CD74: variants seen among roughly 807,000 people sequenced by gnomAD.
CD74 encodes HLA class II histocompatibility antigen gamma chain.
Under a neutral mutation model 37.1 loss-of-function variants are expected in CD74, and 20 were observed. The ratio of observed to expected loss-of-function variants is 0.54; its 90% CI spans 0.38 to 0.78. The LOEUF (loss-of-function observed/expected upper bound fraction) is 0.78. Among genes scored for constraint, CD74 ranks in the 30% least tolerant of loss-of-function variants. The pLI, the probability that CD74 is intolerant of heterozygous loss-of-function variation, is 0.00. For missense variants in CD74, 338 were observed against 389.5 expected (o/e 0.87, Z 1.11); for synonymous variants, 150 against 152.0 (o/e 0.99, Z 0.10).
At chr5:150,412,311 A>G (rs1442079933) in intron 1 of CD74, among the ~76,000 whole-genome samples, 1 of 152,216 alleles carries the variant, frequency 6.6e-6, no homozygotes, top group Admixed American at 6.5e-5. Context: ...CTTTAGTGGG[A>G]TCTCAAAGCC....
chr5:150,412,102 T>A (rs2151186721), intron 1 of CD74, among the ~76,000 whole-genome samples: 1 of 152,296 alleles, frequency 6.6e-6, no homozygotes, highest in Admixed American at 6.5e-5. Context: ...GTAGGTGGGA[T>A]TACAGGTGTA....
intron 1 of CD74, among the ~76,000 whole-genome samples, chr5:150,411,977 T>TA (rs1770366581): frequency 3.9e-5 from 6 of 152,254 alleles, no homozygotes; most frequent in African/African-American, 1.2e-4. Context: ...TTTATTTATT[T>TA]TTTTTGAGAC....
At chr5:150,409,685 T>A (rs1258811087) in intron 1 of CD74, among the ~76,000 whole-genome samples, 5 of 134,894 alleles carry the variant, frequency 3.7e-5, no homozygotes, top group Non-Finnish European at 7.8e-5. Flanking sequence ...AGAGTGAGAC[T>A]CTGTCTCAAA....
chr5:150,403,335 GAC>G lies in CD74; in HGVS notation c.626-25_626-24del, dbSNP rs770248619. 12 of 1,607,252 alleles carry G rather than the reference GAC, an allele frequency of 7.5e-6. No homozygotes were observed. In the South Asian group the frequency reaches 1.3e-4, roughly 18 times the overall value. The stretch of plus-strand genomic sequence containing the variant: ...GTACTGAAGCGACAGGCATGATGAG[GAC>G]ACAGTGAGTGAGTGAGCTCTGAACC... On this transcript the variant is annotated intron_variant, in intron 6 of 8. Coordinates refer to ENST00000009530, the MANE Select transcript of CD74 (RefSeq NM_001025159.3). The surrounding 1 kb of genome is among the most constrained non-coding windows in gnomAD (Gnocchi z 4.5).
At position 150,407,208 on chromosome 5, in the gene CD74, A is replaced by C. The variant is rs754984288; in HGVS notation, c.242T>G (p.Leu81Arg). 2 of 1,614,018 alleles carry C rather than the reference A, an allele frequency of 1.2e-6. No individual in the cohort carries two copies. The highest frequency in any genetic ancestry group is 2.2e-5 in the South Asian group (2 of 91,078). ...CTGCAGGTTCTGGGAGGTGACTGTC[A>C]GTTTGTCCAGCCGGCCCTGCTGCTG... The part of the protein sequence containing the change: ...LYQQQGRLDK[L>R]TVTSQNLQLE... Residue 81 changes from leucine to arginine, a missense_variant, in exon 2 of 9, where the codon CTG becomes CGG. Transcript: ENST00000009530. The surrounding 1 kb of genome is among the most constrained non-coding windows in gnomAD (Gnocchi z 4.4).
Position 150,410,035 on chromosome 5 carries a change from T to C in CD74, c.125+2590A>G, listed in dbSNP as rs555798664. On this transcript the variant is annotated intron_variant, in intron 1 of 8. Coordinates refer to ENST00000009530, the MANE Select transcript of CD74 (RefSeq NM_001025159.3). ...TAAGGCCCAGCCCAAGGGAGAGTTA[T>C]TCGGGAAGGAAACAGCAAAAACCCG... Among the ~76,000 whole-genome samples, 6 of 127,334 alleles carry C rather than the reference T, an allele frequency of 4.7e-5. No homozygotes were observed. The South Asian group carries it at 1.4e-3, about 30-fold the overall frequency. 83.5% of individuals were successfully genotyped at this position (127,334 alleles called of 152,430 possible). A position where few individuals can be genotyped will look rare whatever the true frequency, so the allele number is the denominator to read the frequency against.
chr5:150,404,308 T>G (rs1332371510), intron 6 of CD74, among the ~76,000 whole-genome samples: 1 of 152,196 alleles, frequency 6.6e-6, no homozygotes, highest in Non-Finnish European at 1.5e-5. Flanking sequence ...GCGCCCTCAC[T>G]GGATTGCGGG....
At position 150,405,252 on chromosome 5, in the gene CD74, A is replaced by G. The variant is rs1769889422; in HGVS notation, c.442-72T>C. On this transcript the variant is annotated intron_variant, in intron 4 of 8. Transcript: ENST00000009530. ...GCAGGCAGTGTGAAATGTGTAGCCC[A>G]CGTTCCCTTGGTCTTCCATTCTGAG... The G allele has an allele frequency of 4.6e-6, 7 of 1,509,464 alleles. 1 individual carries two copies. In the South Asian group the frequency reaches 6.8e-5, roughly 15 times the overall value. 93.5% of individuals were successfully genotyped at this position (1,509,464 alleles called of 1,614,324 possible).
At chr5:150,409,011 G>T (rs1264531483) in intron 1 of CD74, among the ~76,000 whole-genome samples, 1 of 152,182 alleles carries the variant, frequency 6.6e-6, no homozygotes, top group African/African-American at 2.4e-5. Flanking sequence ...CTTGAGGCCA[G>T]GAGTTCGAGA....
intron 6 of CD74, 34 bp downstream of exon 6, chr5:150,404,646 A>G (rs1177114284): frequency 1.4e-6 from 2 of 1,423,746 alleles, no homozygotes; most frequent in African/African-American, 2.8e-5. Context: ...AGGGTCCAGA[A>G]GCCCTGGCAC....
rs78486200 is a variant in CD74 at position 150,411,469 on chromosome 5, C to T, written c.125+1156G>A. Among the ~76,000 whole-genome samples, 763 of 152,380 alleles carry T rather than the reference C, an allele frequency of 5.0e-3. 7 individuals carry two copies. The highest frequency in any genetic ancestry group is 0.018 in the African/African-American group (737 of 41,590). Reference sequence around the variant, plus strand: ...AACATCTCTGCAGGGTTCTCCCAAACCCCTTTCTGCCTGGCAACAGCTGAC... The same window carrying T: ...AACATCTCTGCAGGGTTCTCCCAAATCCCTTTCTGCCTGGCAACAGCTGAC... On this transcript the variant is annotated intron_variant, in intron 1 of 8. Coordinates refer to ENST00000009530, the MANE Select transcript of CD74 (RefSeq NM_001025159.3).
chr5:150,407,024 G>A lies in CD74; in HGVS notation c.299-64C>T, dbSNP rs1375966819. 7.8e-6 allele frequency: 12 copies of A among 1,532,958 alleles called. No individual in the cohort carries two copies. The South Asian group carries it at 1.4e-4, about 18-fold the overall frequency. The allele number at this position is 1,532,958 out of a possible 1,614,324, so 95.0% of individuals were successfully genotyped here. On this transcript the variant is annotated intron_variant, in intron 2 of 8. Transcript: ENST00000009530. The surrounding 1 kb of genome is among the most constrained non-coding windows in gnomAD (Gnocchi z 4.4). ...CCCAGGGAGGAGGGTATCAGACCCA[G>A]ATGAGGAAGGGCTGGAATTCCAAAC... is the stretch of plus-strand genomic sequence containing the variant.
chr5:150,406,864 C>A lies in CD74; in HGVS notation c.378+17G>T. On this transcript the variant is annotated intron_variant, in intron 3 of 8. Coordinates refer to ENST00000009530, the MANE Select transcript of CD74 (RefSeq NM_001025159.3). ...GGGATAACCTTGCCCCTCCCACCACCCTGGGGCTGTCCTTACCCCCTGGGG... is the reference window on the plus strand; with the variant it reads ...GGGATAACCTTGCCCCTCCCACCACACTGGGGCTGTCCTTACCCCCTGGGG... 1 of 1,472,024 alleles carries A rather than the reference C, an allele frequency of 6.8e-7. No individual in the cohort carries two copies. The highest frequency in any genetic ancestry group is 9.0e-7 in the Non-Finnish European group (1 of 1,109,918). 91.2% of individuals were successfully genotyped at this position (1,472,024 alleles called of 1,614,324 possible).
At position 150,403,123 on chromosome 5, in the gene CD74, C is replaced by G. The variant is rs2151169548; in HGVS notation, c.815G>C (p.Ser272Thr). 6.2e-7 allele frequency: 1 copy of G among 1,612,804 alleles called. No homozygotes were observed. Among genetic ancestry groups the G allele is most frequent in the African/African-American group, 1.3e-5 (1 of 75,038 alleles). Residue 272 changes from serine to threonine, a missense_variant and splice_region_variant, in exon 7 of 9, where the codon AGT becomes ACT. Ser to Thr is a moderately conservative substitution (Grantham distance 58). Transcript: ENST00000009530. The surrounding 1 kb of genome is among the most constrained non-coding windows in gnomAD (Gnocchi z 4.5). ...ACTGGCACAGTGCCACTGCTTACCA[C>G]TGCAGTTATGGTGCCCGCGGCTTCT... is the stretch of plus-strand genomic sequence containing the variant. The part of the protein sequence containing the change: ...NTRSRGHHNC[S>T]ESLELEDPSS...
intron 1 of CD74, among the ~76,000 whole-genome samples, chr5:150,410,554 T>C (rs2151185062): frequency 6.6e-6 from 1 of 152,244 alleles, no homozygotes; most frequent in African/African-American, 2.4e-5. Flanking sequence ...AGTTCGTAGT[T>C]AAGTTTAGCA....
At chr5:150,409,112 A>G (rs1770174309) in intron 1 of CD74, among the ~76,000 whole-genome samples, 1 of 152,148 alleles carries the variant, frequency 6.6e-6, no homozygotes, top group Admixed American at 6.5e-5. Context: ...AGTCCCAGCT[A>G]CTTGGGAGGC....
intron 4 of CD74, 69 bp from the exon 5 acceptor site, chr5:150,405,249 C>G (rs1769889097): frequency 6.6e-7 from 1 of 1,515,308 alleles, no homozygotes. Flanking sequence ...AAATGTGTAG[C>G]CCACGTTCCC....
At position 150,407,237 on chromosome 5, in the gene CD74, C is replaced by T. The variant is rs748747022; in HGVS notation, c.213G>A (p.Leu71=). The stretch of plus-strand genomic sequence containing the variant: ...TGTCCAGCCGGCCCTGCTGCTGGTA[C>T]AGGAAGTAGGCGGTGGTGGCCTGGC... ...LAGQATTAYF[L]YQQQGRLDKL... The change falls in exon 2 of 9, where the codon CTG becomes CTA. Residue 71 remains leucine, a synonymous_variant. Transcript: ENST00000009530. The surrounding 1 kb of genome is among the most constrained non-coding windows in gnomAD (Gnocchi z 4.4). 4 of 1,613,860 alleles carry T rather than the reference C, an allele frequency of 2.5e-6. No individual in the cohort carries two copies. Among genetic ancestry groups the T allele is most frequent in the Non-Finnish European group, 3.4e-6 (4 of 1,179,906 alleles).
Position 150,402,459 on chromosome 5 carries a change from T to A in CD74, c.880+104A>T, listed in dbSNP as rs950427861. 11 of 1,051,036 alleles carry A rather than the reference T, an allele frequency of 1.0e-5. No homozygotes were observed. The highest frequency in any genetic ancestry group is 1.5e-5 in the Non-Finnish European group (10 of 667,636). 65.1% of individuals were successfully genotyped at this position (1,051,036 alleles called of 1,614,324 possible). On this transcript the variant is annotated intron_variant, in intron 8 of 8. Coordinates refer to ENST00000009530, the MANE Select transcript of CD74 (RefSeq NM_001025159.3). The surrounding 1 kb of genome is among the most constrained non-coding windows in gnomAD (Gnocchi z 4.2). ...CTGTGAAATGGACATCCCAGGAATGTTGGAGAGTGGCCCAGCGTCACACTC... is the reference window on the plus strand; with the variant it reads ...CTGTGAAATGGACATCCCAGGAATGATGGAGAGTGGCCCAGCGTCACACTC...
Sources: gnomAD v4.1 joint callset for allele counts (sites outside exome capture counted in the v4.1 genomes callset) on GRCh38, gnomAD v4.1.1 for gene constraint, Gnocchi (gnomAD v3.1) non-coding constraint, MANE v1.5 for transcripts, NCBI Gene and HGNC (gene_info 2026-07-23, HGNC 2026-07-21) for gene names.